HLTF: variants seen among roughly 807,000 people sequenced by gnomAD.
HLTF encodes DNA-dependent ATPase/E3 ubiquitin-protein ligase HLTF.
In HLTF, 127 loss-of-function variants were observed where a neutral mutation model predicts 129.4. That is an observed-to-expected ratio of 0.98 (90% CI 0.85 to 1.14). The LOEUF (loss-of-function observed/expected upper bound fraction) is 1.14, where lower values mean the gene tolerates loss of function less well. HLTF is among the 50% of genes most tolerant of loss of function. The pLI is 0.00. For missense variants in HLTF, 1,139 were observed against 1,187.1 expected, an observed-to-expected ratio of 0.96 and a Z score of 0.60; for synonymous variants, 332 against 388.8, an observed-to-expected ratio of 0.85 and a Z score of 1.72.
In HLTF at chr3:149,071,436, T is replaced by C. The variant is rs780260800; in HGVS notation, c.710A>G (p.Glu237Gly). The C allele has an allele frequency of 1.2e-6, 2 of 1,610,702 alleles. No homozygotes were observed. The highest frequency in any genetic ancestry group is 1.7e-6 in the Non-Finnish European group (2 of 1,178,518). The change falls in exon 7 of 25, where the codon GAA (glutamate) becomes GGA (glycine). Residue 237 changes from glutamate to glycine, a missense_variant. By Grantham distance (98) the Glu-to-Gly change is moderately conservative (BLOSUM62 -2). Transcript: ENST00000310053. ...TTTTTGATGTGGAAGCAGTGGTGTT[T>C]CAATAGCCTATAAATAAAAAGTCAT... ...THEMEPAEAIETPLLPHQKQA... is the reference protein window; with the variant it reads ...THEMEPAEAIGTPLLPHQKQA...
At chr3:149,079,648 A>G (rs1719709080) in intron 2 of HLTF, among the ~76,000 whole-genome samples, 2 of 152,238 alleles carry the variant, frequency 1.3e-5, no homozygotes, top group South Asian at 4.1e-4. Flanking sequence ...GCTGGAGTAC[A>G]GTCGCACAAT....
rs1212356198 is a variant in HLTF, at chr3:149,039,086, T to G, written c.2759A>C (p.Asn920Thr). Residue 920 changes from asparagine (N) to threonine (T), a missense_variant, in exon 23 of 25, where the codon AAT becomes ACT. Asn to Thr is a moderately conservative substitution (Grantham distance 65, BLOSUM62 0). Transcript: ENST00000310053. ...AAACACTCGAGAAGCTGCAGACAGA[T>G]TCAAACCAACTCCACCTGCTTTTAA... is the stretch of plus-strand genomic sequence containing the variant. The part of the protein sequence containing the change: ...LSLKAGGVGL[N>T]LSAASRVFLM... The G allele has an allele frequency of 1.2e-6, 2 of 1,608,638 alleles. No individual in the cohort carries two copies. The highest frequency in any genetic ancestry group is 1.7e-6 in the Non-Finnish European group (2 of 1,178,200).
At chr3:149,083,280 C>A (rs902239644) in intron 2 of HLTF, among the ~76,000 whole-genome samples, 13 of 151,392 alleles carry the variant, frequency 8.6e-5, no homozygotes, top group African/African-American at 3.2e-4. Context: ...AATAAAAGAA[C>A]ATGCATTAAT....
At chr3:149,042,410 ATGAAAAGC>A in intron 18 of HLTF, 120 bp from the exon 19 acceptor site, 1 of 832,792 alleles carries the variant, frequency 1.2e-6, no homozygotes, top group East Asian at 2.7e-5. Context: ...CAAAACAAGA[ATGAAAAGC>A]AGAAAAGCAA....
intron 8 of HLTF, among the ~76,000 whole-genome samples, chr3:149,066,490 T>G (rs1246676279): frequency 6.6e-6 from 1 of 152,174 alleles, no homozygotes; most frequent in African/African-American, 2.4e-5. Context: ...TTCAGTCTAC[T>G]TATGTTTGGA....
At chr3:149,047,554 A>G (rs1287480022) in intron 17 of HLTF, among the ~76,000 whole-genome samples, 1 of 152,206 alleles carries the variant, frequency 6.6e-6, no homozygotes, top group Non-Finnish European at 1.5e-5. Context: ...AGACAGGAGA[A>G]TCGCTTGAAC....
chr3:149,069,472 G>GAAAAAA (rs36037300), intron 7 of HLTF, among the ~76,000 whole-genome samples: 2 of 122,728 alleles, frequency 1.6e-5, no homozygotes, highest in Non-Finnish European at 1.8e-5. Context: ...TCCATCTCAA[G>GAAAAAA]AAAAAAAAAA....
intron 2 of HLTF, among the ~76,000 whole-genome samples, chr3:149,077,015 G>A (rs1235319079): frequency 2.0e-5 from 3 of 152,144 alleles, no homozygotes; most frequent in Non-Finnish European, 2.9e-5. Flanking sequence ...TTGGGAGGCC[G>A]AGGTGGGAAG....
rs1265172645 is a variant in HLTF, at chr3:149,064,860, T to G, written c.997A>C (p.Asn333His). ...VKKNLLKKEY[N>H]VNDDSMKLGG... is the part of the protein sequence containing the mutation. ...AGTTTCATAGAGTCATCGTTAACAT[T>G]ATATTCCTGGGTAAATAGGCATATT... Residue 333 changes from asparagine (N) to histidine (H), a missense_variant, in exon 9 of 25, where the codon AAT (asparagine) becomes CAT (histidine). Asn to His is a moderately conservative substitution (Grantham distance 68). Coordinates refer to ENST00000310053, the MANE Select transcript of HLTF (RefSeq NM_003071.4). 1 of 1,581,660 alleles carries G rather than the reference T, an allele frequency of 6.3e-7. No homozygotes were observed.
At chr3:149,034,197 C>T (rs962146761) in intron 24 of HLTF, among the ~76,000 whole-genome samples, 3 of 152,164 alleles carry the variant, frequency 2.0e-5, no homozygotes, top group Non-Finnish European at 2.9e-5. Context: ...TTGAAACCAA[C>T]TCGATAGTTG....
chr3:149,059,420 G>A (rs961166041), intron 13 of HLTF: 2 of 455,172 alleles, frequency 4.4e-6, no homozygotes, highest in African/African-American at 2.0e-5. Context: ...ATTAAATTAA[G>A]CTTTAAAGCA....
intron 13 of HLTF, chr3:149,059,452 T>A: frequency 2.1e-6 from 1 of 484,986 alleles, no homozygotes; most frequent in Non-Finnish European, 3.8e-6. Context: ...CTTTGTGCCA[T>A]CACTAGAAGA....
chr3:149,060,277 A>G lies in HLTF; in HGVS notation c.1285+366T>C, dbSNP rs191199639. On this transcript the variant is annotated intron_variant, in intron 12 of 24. Transcript: ENST00000310053. ...AAAGAAAAAATTTGATTATTTTCAC[A>G]TCTGTATAATAATGTAAACAATAAT... Among the ~76,000 whole-genome samples, 4 of 152,306 alleles carry G rather than the reference A, an allele frequency of 2.6e-5. No individual in the cohort carries two copies. In the East Asian group the frequency reaches 7.7e-4, roughly 29 times the overall value.
rs76339830 is a variant in HLTF, at chr3:149,033,328, C to G, written c.2878-956G>C. On this transcript the variant is annotated intron_variant, in intron 24 of 24. Coordinates refer to ENST00000310053, the MANE Select transcript of HLTF (RefSeq NM_003071.4). ...TGTTCCTGTATGGAAACATTCGTTA[C>G]TTATAAAGAAAGATAGTTCTCGAAA... is the stretch of plus-strand genomic sequence containing the variant. 8.5e-3 allele frequency among the ~76,000 whole-genome samples: 1,295 copies of G among 151,966 alleles called. 19 individuals carry two copies. Among genetic ancestry groups the G allele is most frequent in the African/African-American group, 0.03 (1,224 of 41,464 alleles).
intron 24 of HLTF, among the ~76,000 whole-genome samples, chr3:149,034,079 A>C (rs556431713): frequency 1.8e-3 from 268 of 152,280 alleles, no homozygotes; most frequent in Non-Finnish European, 2.4e-3. Context: ...AAAAATGTTA[A>C]TAAACAAGAT....
At chr3:149,065,125 A>C (rs370061396) in intron 8 of HLTF, among the ~76,000 whole-genome samples, 1 of 152,336 alleles carries the variant, frequency 6.6e-6, no homozygotes, top group African/African-American at 2.4e-5. Flanking sequence ...GAATACCGAA[A>C]GCAAATCTCA....
intron 17 of HLTF, among the ~76,000 whole-genome samples, chr3:149,047,636 C>T (rs1205522914): frequency 6.6e-6 from 1 of 151,996 alleles, no homozygotes; most frequent in African/African-American, 2.4e-5. Context: ...AGCAAGACTC[C>T]ATCTCAAATA....
At position 149,039,069 on chromosome 3, in the gene HLTF, G is replaced by C. The variant is rs768794352; in HGVS notation, c.2776C>G (p.Arg926Gly). ...GVGLNLSAASRVFLMDPAWNP... is the reference protein window; with the variant it reads ...GVGLNLSAASGVFLMDPAWNP... Reference sequence around the variant, plus strand: ...CTTACTGGATCCATTAAAAACACTCGAGAAGCTGCAGACAGATTCAAACCA... The same window carrying C: ...CTTACTGGATCCATTAAAAACACTCCAGAAGCTGCAGACAGATTCAAACCA... Residue 926 changes from arginine (R) to glycine (G), a missense_variant, in exon 23 of 25, where the codon CGA becomes GGA. By Grantham distance (125) the Arg-to-Gly change is moderately radical. Transcript: ENST00000310053. The C allele has an allele frequency of 1.3e-6, 2 of 1,581,228 alleles. No homozygotes were observed. The highest frequency in any genetic ancestry group is 2.7e-5 in the African/African-American group (2 of 72,904).
At chr3:149,075,360 C>T (rs958754286) in intron 3 of HLTF, among the ~76,000 whole-genome samples, 3 of 152,110 alleles carry the variant, frequency 2.0e-5, no homozygotes, top group African/African-American at 7.2e-5. Flanking sequence ...ACAGCCTGGC[C>T]AACATGGCAA....
Sources: gnomAD v4.1 joint callset for allele counts (sites outside exome capture counted in the v4.1 genomes callset) on GRCh38, gnomAD v4.1.1 for gene constraint, MANE v1.5 for transcripts, NCBI Gene and HGNC (gene_info 2026-07-23, HGNC 2026-07-21) for gene names.